The following TBC1D31 variants were observed in gnomAD, a reference collection of about 807,000 sequenced individuals.
TBC1D31 encodes TBC1 domain family member 31.
TBC1D31 carries 99 observed loss-of-function variants against 132.9 expected under a neutral mutation model. The observed-to-expected ratio is 0.74, with a 90% CI of 0.63 to 0.88. The LOEUF (loss-of-function observed/expected upper bound fraction) is 0.88. Ranked by LOEUF, TBC1D31 falls within the 40% of genes least tolerant of loss-of-function variation. TBC1D31 has a pLI of 0.00. For synonymous variants in TBC1D31, 385 were observed against 419.4 expected (o/e 0.92, Z 1.00); for missense variants, 1,134 against 1,256.6 (o/e 0.90, Z 1.48).
At chr8:123,123,473 C>T in intron 11 of TBC1D31, 1 of 155,800 alleles carries the variant, frequency 6.4e-6, no homozygotes. Flanking sequence ...ATTGGTGATG[C>T]TGCAAAGAAA....
At chr8:123,152,671 G>T (rs1055989291), downstream of TBC1D31, among the ~76,000 whole-genome samples, 1 of 152,176 alleles carries the variant, frequency 6.6e-6, no homozygotes, top group African/African-American at 2.4e-5. Flanking sequence ...AGGAGTTCGA[G>T]ACCAGCCTGG....
chr8:123,090,670 C>A (rs1041058758), intron 4 of TBC1D31, among the ~76,000 whole-genome samples: 7 of 152,182 alleles, frequency 4.6e-5, no homozygotes, highest in African/African-American at 1.4e-4. Context: ...CTGTGGCTCA[C>A]ACCTGTAATC....
intron 10 of TBC1D31, among the ~76,000 whole-genome samples, chr8:123,112,010 C>G (rs1333715948): frequency 6.6e-6 from 1 of 152,084 alleles, no homozygotes; most frequent in Non-Finnish European, 1.5e-5. Context: ...ACCGCCATGC[C>G]TGGCTAGTTT....
Position 123,093,722 on chromosome 8 carries a change from C to G in TBC1D31, c.651C>G (p.Tyr217Ter), listed in dbSNP as rs1816574769. ...PAPPESSSILYKVFAVTRDGR... is the reference protein window; with the variant it reads ...PAPPESSSIL ...CACCTGAAAGCTCTAGTATATTATA[C>G]AAAGTGTTTGCTGTAACCAGGTAAT... Residue 217 changes from tyrosine (Y) to a stop codon, truncating the protein, a stop_gained, in exon 5 of 22, where the codon TAC (tyrosine) becomes TAG (stop). Coordinates refer to ENST00000287380, the MANE Select transcript of TBC1D31 (RefSeq NM_145647.4). LOFTEE classifies it high-confidence loss of function. 1 of 1,596,754 alleles carries G rather than the reference C, an allele frequency of 6.3e-7. No homozygotes were observed. The highest frequency in any genetic ancestry group is 1.7e-5 in the Admixed American group (1 of 59,574).
chr8:123,105,548 C>G, intron 8 of TBC1D31, 84 bp downstream of exon 8: 1 of 1,121,148 alleles, frequency 8.9e-7, no homozygotes, highest in Non-Finnish European at 1.2e-6. Flanking sequence ...ACTCTTCTCT[C>G]TCTTGGGAAT....
chr8:123,117,342 G>C (rs999807652), intron 10 of TBC1D31, among the ~76,000 whole-genome samples: 1 of 151,940 alleles, frequency 6.6e-6, no homozygotes, highest in Non-Finnish European at 1.5e-5. Context: ...GGATTCACAG[G>C]ATATTTGCAT....
the TBC1D31 span, among the ~76,000 whole-genome samples, chr8:123,160,709 G>C: frequency 6.6e-6 from 1 of 152,208 alleles, no homozygotes; most frequent in Non-Finnish European, 1.5e-5. Flanking sequence ...CAGGGTACCA[G>C]GCCCGATCCC....
At chr8:123,119,147 T>C (rs748244120) in intron 10 of TBC1D31, among the ~76,000 whole-genome samples, 1 of 152,202 alleles carries the variant, frequency 6.6e-6, no homozygotes, top group Non-Finnish European at 1.5e-5. Context: ...AAATCATTGA[T>C]AATATGCGGC....
At chr8:123,123,383 C>T (rs973274954) in intron 11 of TBC1D31, 1 of 186,546 alleles carries the variant, frequency 5.4e-6, no homozygotes, top group Non-Finnish European at 1.2e-5. Flanking sequence ...CAATGCATCT[C>T]ACAAGAGGCC....
Position 123,151,917 on chromosome 8 carries a change from C to T in TBC1D31, c.3179C>T (p.Thr1060Ile), listed in dbSNP as rs759820455. The T allele has an allele frequency of 1.9e-6, 3 of 1,555,886 alleles. No individual in the cohort carries two copies. Among genetic ancestry groups the T allele is most frequent in the Non-Finnish European group, 1.7e-6 (2 of 1,156,560 alleles). Reference sequence around the variant, plus strand: ...GCCCGGGCTCGTCACAGATGTCAAACCCCTCATCTTTTGGCTGCATAGAAT... The same window carrying T: ...GCCCGGGCTCGTCACAGATGTCAAATCCCTCATCTTTTGGCTGCATAGAAT... ...LTARARHRCQ[T>I]PHLLAA Residue 1060 changes from threonine to isoleucine, a missense_variant, in exon 22 of 22, where the codon ACC becomes ATC. Coordinates refer to ENST00000287380, the MANE Select transcript of TBC1D31 (RefSeq NM_145647.4).
At chr8:123,144,952 C>A in intron 20 of TBC1D31, 97 bp downstream of exon 20, 1 of 1,136,524 alleles carries the variant, frequency 8.8e-7, no homozygotes, top group Admixed American at 2.7e-5. Context: ...GAGATAGGGT[C>A]TTGTTCTGTC....
At chr8:123,100,580 A>T (rs773930869) in intron 6 of TBC1D31, among the ~76,000 whole-genome samples, 7 of 151,378 alleles carry the variant, frequency 4.6e-5, no homozygotes, top group Non-Finnish European at 1.0e-4. Context: ...CCATCTCAAA[A>T]CAATAATAAT....
At chr8:123,121,994 T>C (rs1249360552) in intron 11 of TBC1D31, among the ~76,000 whole-genome samples, 1 of 152,210 alleles carries the variant, frequency 6.6e-6, no homozygotes. Context: ...CACAGTGAGA[T>C]GCCACTTCAT....
chr8:123,097,964 C>G (rs1816991339), intron 6 of TBC1D31: 1 of 152,300 alleles, frequency 6.6e-6, no homozygotes, highest in Non-Finnish European at 1.5e-5. Context: ...CTTCATCCCC[C>G]TTCGCTTATT....
chr8:123,072,749 C>G lies in TBC1D31; in HGVS notation c.-21C>G. On this transcript the variant is annotated 5_prime_UTR_variant, in exon 1 of 22. Coordinates refer to ENST00000287380, the MANE Select transcript of TBC1D31 (RefSeq NM_145647.4). ...GGACGGTTACCCAGCGGGCCGCCGG[C>G]GGTCGTGGGCAAGCTTCGCCATGCA... is the stretch of plus-strand genomic sequence containing the variant. 1 of 1,552,522 alleles carries G rather than the reference C, an allele frequency of 6.4e-7. No homozygotes were observed. The highest frequency in any genetic ancestry group is 8.7e-7 in the Non-Finnish European group (1 of 1,148,000).
intron 10 of TBC1D31, among the ~76,000 whole-genome samples, chr8:123,112,828 G>A (rs186091440): frequency 6.6e-6 from 1 of 152,264 alleles, no homozygotes; most frequent in African/African-American, 2.4e-5. Context: ...ACTTAGAGAT[G>A]GGAATTTGCT....
chr8:123,118,665 G>GT (rs1819181853), intron 10 of TBC1D31, among the ~76,000 whole-genome samples: 2 of 150,242 alleles, frequency 1.3e-5, no homozygotes, highest in Non-Finnish European at 3.0e-5. Context: ...GGACCAGCCA[G>GT]TAAAAAAAAA....
chr8:123,105,345 A>G lies in TBC1D31; in HGVS notation c.1090A>G (p.Ser364Gly), dbSNP rs759430233. 1.9e-6 allele frequency: 3 copies of G among 1,608,538 alleles called. No individual in the cohort carries two copies. The East Asian group carries it at 6.7e-5, about 36-fold the overall frequency. Reference protein sequence around the residue: ...EDLPKNKLSSSDLKMKVTSGR... With the variant: ...EDLPKNKLSSGDLKMKVTSGR... ...TTTGCCCAAGAATAAACTGAGTTCC[A>G]GTGATCTTAAGATGAAAGTAACATC... Residue 364 changes from serine to glycine, a missense_variant, in exon 8 of 22, where the codon AGT becomes GGT. Physicochemically the swap from Ser to Gly is moderately conservative, Grantham distance 56. Coordinates refer to ENST00000287380, the MANE Select transcript of TBC1D31 (RefSeq NM_145647.4).
chr8:123,134,890 C>T (rs1176618961), intron 17 of TBC1D31, among the ~76,000 whole-genome samples: 1 of 152,100 alleles, frequency 6.6e-6, no homozygotes, highest in Non-Finnish European at 1.5e-5. Flanking sequence ...TACTTTCTTT[C>T]TTTATTTGTA....
Sources: gnomAD v4.1 joint callset for allele counts (sites outside exome capture counted in the v4.1 genomes callset) on GRCh38, gnomAD v4.1.1 for gene constraint, MANE v1.5 for transcripts, NCBI Gene and HGNC (gene_info 2026-07-23, HGNC 2026-07-21) for gene names.